ASPHD1: variants seen among roughly 807,000 people sequenced by gnomAD.
ASPHD1 encodes the protein aspartate beta-hydroxylase domain-containing protein 1.
ASPHD1 carries 20 observed loss-of-function variants against 28.3 expected under a neutral mutation model. That is an observed-to-expected ratio of 0.71 (90% confidence interval 0.50 to 1.03). The LOEUF (loss-of-function observed/expected upper bound fraction) is 1.03. Among genes scored for constraint, ASPHD1 ranks in the 50% least tolerant of loss-of-function variants. The pLI is 0.00. For missense variants in ASPHD1, 479 were observed against 524.1 expected (o/e 0.91, Z 0.84); for synonymous variants, 240 against 221.2 (o/e 1.08, Z -0.75).
At chr16:29,905,339 A>G (rs996954873) in intron 2 of ASPHD1, among the ~76,000 whole-genome samples, 1 of 152,088 alleles carries the variant, frequency 6.6e-6, no homozygotes, top group Non-Finnish European at 1.5e-5. Flanking sequence ...GAGTTGATAC[A>G]TATCGGCCGG....
chr16:29,913,278 C>A (rs2068748802), intron 3 of ASPHD1: 1 of 151,996 alleles, frequency 6.6e-6, no homozygotes. Context: ...GAGGAAAGGC[C>A]GACCCTGCCA....
chr16:29,913,625 G>T (rs2068756304), intron 3 of ASPHD1: 1 of 152,242 alleles, frequency 6.6e-6, no homozygotes, highest in African/African-American at 2.4e-5. Context: ...CAGTGGGGCT[G>T]TGGGCATCAA....
chr16:29,917,105 T>C (rs1216817961), intron 3 of ASPHD1, among the ~76,000 whole-genome samples: 3 of 152,164 alleles, frequency 2.0e-5, no homozygotes, highest in Admixed American at 2.0e-4. Flanking sequence ...AGGGTCTCCT[T>C]GGTGAGGATC....
Position 29,906,006 on chromosome 16 carries a change from A to AGTT in ASPHD1, c.*109_*110insGTT. 9.6e-6 allele frequency: 4 copies of AGTT among 416,734 alleles called. No individual in the cohort carries two copies. The highest frequency in any genetic ancestry group is 5.7e-5 in the East Asian group (1 of 17,404). The allele number at this position is 416,734 out of a possible 1,614,324, so 25.8% of individuals were successfully genotyped here. A position where few individuals can be genotyped will look rare whatever the true frequency, so the allele number is the denominator to read the frequency against. On this transcript the variant is annotated 3_prime_UTR_variant, in exon 3 of 3. Coordinates refer to ENST00000308748, the MANE Select transcript of ASPHD1 (RefSeq NM_181718.4). ...CTGCGGGGGTGGGCGGGGGCGGAGGATGGGAACTGGCTAGTGAGCACTGAA... is the reference window on the plus strand; with the variant it reads ...CTGCGGGGGTGGGCGGGGGCGGAGGAGTTTGGGAACTGGCTAGTGAGCACTGAA...
chr16:29,916,736 C>A (rs1385855512), intron 3 of ASPHD1, among the ~76,000 whole-genome samples: 2 of 152,206 alleles, frequency 1.3e-5, no homozygotes, highest in South Asian at 4.1e-4. Context: ...CATTATCTCA[C>A]ATAGTTTCTG....
At position 29,901,649 on chromosome 16, in the gene ASPHD1, T is replaced by G; in HGVS notation, c.678T>G (p.Ala226=). The G allele has an allele frequency of 6.3e-7, 1 of 1,579,342 alleles. No individual in the cohort carries two copies. The highest frequency in any genetic ancestry group is 8.5e-7 in the Non-Finnish European group (1 of 1,169,860). ...SFPAILRDFG[A]VSWDFSGTTP... ...CTGCCATTTTGCGGGACTTCGGGGCTGTGAGCTGGGACTTCTCAGGGACTA... is the reference window on the plus strand; with the variant it reads ...CTGCCATTTTGCGGGACTTCGGGGCGGTGAGCTGGGACTTCTCAGGGACTA... The change falls in exon 1 of 3, where the codon GCT becomes GCG. Residue 226 remains alanine (A), a synonymous_variant. Transcript: ENST00000308748. This position sits in a 1 kb window ranked among gnomAD's most constrained non-coding sequence, Gnocchi z 5.1.
At chr16:29,910,397 AAATAATAAT>A (rs142518050), downstream of ASPHD1, among the ~76,000 whole-genome samples, 4 of 151,250 alleles carry the variant, frequency 2.6e-5, no homozygotes, top group African/African-American at 9.7e-5. Context: ...ACTCCATCTC[AAATAATAAT>A]AATAATAATA....
At chr16:29,912,334 C>T (rs1001612164) in intron 3 of ASPHD1, 10 of 513,998 alleles carry the variant, frequency 1.9e-5, no homozygotes, top group South Asian at 5.0e-5. Context: ...GTGGCGTGTC[C>T]GTCATGCCAT....
chr16:29,910,871 C>T, downstream of ASPHD1: 3 of 994,928 alleles, frequency 3.0e-6, no homozygotes, highest in Non-Finnish European at 3.0e-6. Flanking sequence ...CAGGATCTGG[C>T]TCCTGCCTCC....
Position 29,904,917 on chromosome 16 carries a change from C to T in ASPHD1, c.1015C>T (p.His339Tyr), listed in dbSNP as rs1212517894. The T allele has an allele frequency of 6.2e-7, 1 of 1,613,582 alleles. No homozygotes were observed. The highest frequency in any genetic ancestry group is 1.1e-5 in the South Asian group (1 of 91,022). Residue 339 changes from histidine (H) to tyrosine (Y), a missense_variant, in exon 2 of 3, where the codon CAC (histidine) becomes TAC (tyrosine). His to Tyr is a moderately conservative substitution (Grantham distance 83). Coordinates refer to ENST00000308748, the MANE Select transcript of ASPHD1 (RefSeq NM_181718.4). Reference protein sequence around the residue: ...GGEPQCWAEGHCLLVDDSFLH... With the variant: ...GGEPQCWAEGYCLLVDDSFLH... ...TGAGCCCCAGTGCTGGGCTGAGGGG[C>T]ACTGTCTACTGGTGGACGACTCTTT...
In ASPHD1 at chr16:29,905,892, C is replaced by T. The variant is rs777971416; in HGVS notation, c.1168C>T (p.Pro390Ser). 2 of 1,612,106 alleles carry T rather than the reference C, an allele frequency of 1.2e-6. No individual in the cohort carries two copies. Among genetic ancestry groups the T allele is most frequent in the Admixed American group, 3.3e-5 (2 of 59,886 alleles). ...QALDFVFAPD[P>S] is the part of the protein sequence containing the mutation. Reference sequence around the variant, plus strand: ...CCTCGACTTTGTCTTCGCCCCAGACCCTTGAAGGAAGGTGCTCCCTTCACA... The same window carrying T: ...CCTCGACTTTGTCTTCGCCCCAGACTCTTGAAGGAAGGTGCTCCCTTCACA... The change falls in exon 3 of 3, where the codon CCT (proline) becomes TCT (serine). Residue 390 changes from proline (P) to serine (S), a missense_variant. Physicochemically the swap from Pro to Ser is moderately conservative, Grantham distance 74. Coordinates refer to ENST00000308748, the MANE Select transcript of ASPHD1 (RefSeq NM_181718.4).
rs755797038 is a variant in ASPHD1, at chr16:29,904,828, G to GA, written c.950-24_950-23insA. 4.5e-6 allele frequency: 7 copies of GA among 1,559,262 alleles called. No individual in the cohort carries two copies. In the African/African-American group the frequency reaches 9.5e-5, roughly 21 times the overall value. ...CCCCTGGGATGGAGGCAGGAGTGCT[G>GA]GATGCCCGCGTCTCTTCTTACAGGC... On this transcript the variant is annotated intron_variant, in intron 1 of 2. Transcript: ENST00000308748.
At chr16:29,912,233 G>A (rs765666130) in intron 3 of ASPHD1, 34 of 625,936 alleles carry the variant, frequency 5.4e-5, no homozygotes, top group Non-Finnish European at 7.6e-5. Flanking sequence ...TTGGTCCCAC[G>A]GACACCTTGC....
intron 3 of ASPHD1, chr16:29,919,465 A>C (rs1045439207): frequency 6.6e-6 from 1 of 152,222 alleles, no homozygotes; most frequent in African/African-American, 2.4e-5. Flanking sequence ...TATAACTCTT[A>C]TCATCTCTTC....
downstream of ASPHD1, chr16:29,906,954 T>C (rs1354418406): frequency 6.2e-7 from 1 of 1,614,102 alleles, no homozygotes; most frequent in East Asian, 2.2e-5. Context: ...GCGGACACGG[T>C]GCTCTCGGTT....
intron 3 of ASPHD1, chr16:29,913,097 T>C (rs1358669687): frequency 1.3e-5 from 2 of 150,578 alleles, no homozygotes; most frequent in Admixed American, 6.6e-5. Flanking sequence ...CAGAGAATAA[T>C]AAAAGTCTAC....
chr16:29,913,761 G>C (rs1346833824), intron 3 of ASPHD1: 1 of 151,526 alleles, frequency 6.6e-6, no homozygotes, highest in East Asian at 2.0e-4. Flanking sequence ...GGTTGCTTGA[G>C]TATCCTCGCA....
rs923456071 is a variant in ASPHD1, at chr16:29,901,201, C to T, written c.230C>T (p.Ser77Phe). The change falls in exon 1 of 3, where the codon TCC becomes TTC. Residue 77 changes from serine (S) to phenylalanine (F), a missense_variant. Physicochemically the swap from Ser to Phe is radical, Grantham distance 155 (BLOSUM62 -2). Coordinates refer to ENST00000308748, the MANE Select transcript of ASPHD1 (RefSeq NM_181718.4). This position sits in a 1 kb window ranked among gnomAD's most constrained non-coding sequence, Gnocchi z 5.1. ...CTCCCGTGGCCACTACCCCTGGCCTCCTCGGCCCTCACCTTGCTCTTCGGG... is the reference window on the plus strand; with the variant it reads ...CTCCCGTGGCCACTACCCCTGGCCTTCTCGGCCCTCACCTTGCTCTTCGGG... ...IMLPWPLPLA[S>F]SALTLLFGAL... The T allele has an allele frequency of 4.3e-6, 7 of 1,613,824 alleles. No homozygotes were observed. The highest frequency in any genetic ancestry group is 5.9e-6 in the Non-Finnish European group (7 of 1,179,914).
chr16:29,911,214 C>G (rs757952072), intron 3 of ASPHD1: 1 of 1,511,958 alleles, frequency 6.6e-7, no homozygotes, highest in Non-Finnish European at 9.1e-7. Flanking sequence ...GCAGTTGGCA[C>G]CCCTCCCTCT....
Sources: gnomAD v4.1 joint callset for allele counts (sites outside exome capture counted in the v4.1 genomes callset) on GRCh38, gnomAD v4.1.1 for gene constraint, Gnocchi (gnomAD v3.1) non-coding constraint, MANE v1.5 for transcripts, NCBI Gene and HGNC (gene_info 2026-07-23, HGNC 2026-07-21) for gene names.